Variants in ANGPT2 observed in about 807,000 individuals in gnomAD.
ANGPT2 encodes angiopoietin 2.
A neutral mutation model predicts 62.9 loss-of-function variants in ANGPT2; 28 were observed. That is an observed-to-expected ratio of 0.44 (90% CI 0.33 to 0.61). ANGPT2 has a LOEUF of 0.61. ANGPT2 is among the 20% of genes least tolerant of loss of function. The pLI, the probability that ANGPT2 is intolerant of heterozygous loss-of-function variation, is 0.03. For synonymous variants in ANGPT2, 284 were observed against 207.8 expected (o/e 1.37, Z -3.15); for missense variants, 727 against 594.9 (o/e 1.22, Z -2.31).
Position 6,513,782 on chromosome 8 carries a change from A to C in ANGPT2, c.1092T>G (p.Asn364Lys), listed in dbSNP as rs17063434. 6.2e-7 allele frequency: 1 copy of C among 1,613,970 alleles called. No individual in the cohort carries two copies. The highest frequency in any genetic ancestry group is 1.1e-5 in the South Asian group (1 of 91,018). Residue 364 changes from asparagine to lysine, a missense_variant, in exon 7 of 9, where the codon AAT becomes AAG. Asn to Lys is a moderately conservative substitution (Grantham distance 94, BLOSUM62 0). Transcript: ENST00000629816. The part of the protein sequence containing the change: ...LGNEFVSQLT[N>K]QQRYVLKIHL... ...GTATTTTAAGCACATAGCGTTGCTGATTAGTCAGTTGCGAAACAAACTCAT... is the reference window on the plus strand; with the variant it reads ...GTATTTTAAGCACATAGCGTTGCTGCTTAGTCAGTTGCGAAACAAACTCAT...
At chr8:6,508,683 T>C in intron 8 of ANGPT2, 1 of 601,440 alleles carries the variant, frequency 1.7e-6, no homozygotes, top group African/African-American at 1.9e-5. Flanking sequence ...ATATCCCCTC[T>C]CCTTGCCAGG....
chr8:6,547,884 C>A (rs994573993), intron 1 of ANGPT2, among the ~76,000 whole-genome samples: 1 of 148,664 alleles, frequency 6.7e-6, no homozygotes, highest in African/African-American at 2.5e-5. Context: ...ATCTTACCCC[C>A]ATTTTTTTTT....
chr8:6,545,823 C>T (rs1822480610), intron 1 of ANGPT2, among the ~76,000 whole-genome samples: 1 of 152,202 alleles, frequency 6.6e-6, no homozygotes, highest in Non-Finnish European at 1.5e-5. Context: ...GGAATAAATA[C>T]AAGATTACTC....
At chr8:6,506,543 C>T (rs1489955081) in intron 8 of ANGPT2, among the ~76,000 whole-genome samples, 1 of 152,162 alleles carries the variant, frequency 6.6e-6, no homozygotes, top group Non-Finnish European at 1.5e-5. Flanking sequence ...GAGCTGGGTC[C>T]AGCATGTGGG....
intron 3 of ANGPT2, among the ~76,000 whole-genome samples, chr8:6,526,425 A>G (rs1818351471): frequency 6.6e-6 from 1 of 151,790 alleles, no homozygotes; most frequent in Non-Finnish European, 1.5e-5. Flanking sequence ...CCAGAGTGAG[A>G]CCCTGTCTCA....
chr8:6,512,665 C>T (rs73199035), intron 7 of ANGPT2, among the ~76,000 whole-genome samples: 1 of 152,122 alleles, frequency 6.6e-6, no homozygotes, highest in Admixed American at 6.5e-5. Context: ...GTGCATGTGG[C>T]TTCACCGTAC....
At chr8:6,548,904 T>G (rs1281015643) in intron 1 of ANGPT2, among the ~76,000 whole-genome samples, 2 of 152,220 alleles carry the variant, frequency 1.3e-5, no homozygotes, top group African/African-American at 2.4e-5. Context: ...TTTAGCTGCC[T>G]GTTGTATTTC....
intron 1 of ANGPT2, among the ~76,000 whole-genome samples, chr8:6,550,180 G>A (rs967297624): frequency 4.6e-5 from 7 of 152,230 alleles, no homozygotes; most frequent in Non-Finnish European, 1.0e-4. Flanking sequence ...CCCTCGCCTG[G>A]CGTCGGCTCC....
intron 2 of ANGPT2, among the ~76,000 whole-genome samples, chr8:6,530,243 C>T (rs1213671879): frequency 1.3e-5 from 2 of 152,000 alleles, no homozygotes; most frequent in Non-Finnish European, 2.9e-5. Context: ...TACGGTGGCT[C>T]ACGCCTGTGA....
At chr8:6,540,088 C>G (rs1283962591) in intron 1 of ANGPT2, among the ~76,000 whole-genome samples, 1 of 152,172 alleles carries the variant, frequency 6.6e-6, no homozygotes, top group Non-Finnish European at 1.5e-5. Flanking sequence ...TAGGTACACC[C>G]TACAGTAATT....
rs933133881 is a variant in ANGPT2 at position 6,505,003 on chromosome 8, A to G, written c.1328-1742T>C. On this transcript the variant is annotated intron_variant, in intron 8 of 8. Coordinates refer to ENST00000629816, the MANE Select transcript of ANGPT2 (RefSeq NM_001118887.2). ...ACACATACAGTATGATACTCCTTAT[A>G]TTAATTTTTAAAATAGAGAAAATAA... Among the ~76,000 whole-genome samples the G allele has an allele frequency of 5.9e-5, 9 of 151,834 alleles. 1 individual carries two copies. The highest frequency in any genetic ancestry group is 1.9e-4 in the African/African-American group (8 of 41,324).
chr8:6,522,597 A>G, intron 3 of ANGPT2, among the ~76,000 whole-genome samples: 1 of 151,822 alleles, frequency 6.6e-6, no homozygotes, highest in Non-Finnish European at 1.5e-5. Flanking sequence ...AACATGGTGA[A>G]ACCCTCTCTC....
In ANGPT2 at chr8:6,521,366, A is replaced by G. The variant is rs1261426726; in HGVS notation, c.611T>C (p.Ile204Thr). The change falls in exon 4 of 9, where the codon ATC becomes ACC. Residue 204 changes from isoleucine to threonine, a missense_variant. Coordinates refer to ENST00000629816, the MANE Select transcript of ANGPT2 (RefSeq NM_001118887.2). ...KVLAMEDKHI[I>T]QLQSIKEEKD... ...CTCTTCTTTTATTGACTGTAGTTGG[A>G]TGATGTGCTTGTCTTCCATAGCTAG... 1.1e-5 allele frequency: 18 copies of G among 1,613,598 alleles called. No individual in the cohort carries two copies. Among genetic ancestry groups the G allele is most frequent in the Middle Eastern group, 1.7e-4 (1 of 6,058 alleles).
chr8:6,527,589 T>G lies in ANGPT2; in HGVS notation c.532A>C (p.Thr178Pro), dbSNP rs1818573801. 6.2e-7 allele frequency: 1 copy of G among 1,613,940 alleles called. No individual in the cohort carries two copies. The highest frequency in any genetic ancestry group is 1.3e-5 in the African/African-American group (1 of 74,938). ...TCTTGCAATTTGTTTATTTCACTGG[T>G]CTGGTCCAAAATCTGTTTTTCCAAT... ...NKLEKQILDQ[T>P]SEINKLQDKN... The change falls in exon 3 of 9, where the codon ACC becomes CCC. Residue 178 changes from threonine to proline, a missense_variant. Transcript: ENST00000629816.
intron 2 of ANGPT2, among the ~76,000 whole-genome samples, chr8:6,529,438 A>T (rs2129571182): frequency 6.6e-6 from 1 of 150,508 alleles, no homozygotes; most frequent in East Asian, 1.9e-4. Context: ...GCCTTCCTTA[A>T]GCTCAGCCAT....
In ANGPT2 at chr8:6,500,265, G is replaced by GAACT; in HGVS notation, c.*2832_*2835dup. 3.2e-6 allele frequency: 1 copy of GAACT among 315,752 alleles called. No individual in the cohort carries two copies. Among genetic ancestry groups the GAACT allele is most frequent in the Non-Finnish European group, 6.1e-6 (1 of 163,412 alleles). The allele number at this position is 315,752 out of a possible 1,614,324, so 19.6% of individuals were successfully genotyped here. On this transcript the variant is annotated 3_prime_UTR_variant, in exon 9 of 9. Transcript: ENST00000629816. ...AATGTTTTTACTGTTAATAGAAATA[G>GAACT]AACTGATAGGTATAAAGATTATGGC...
chr8:6,505,090 A>T (rs904565528), intron 8 of ANGPT2, among the ~76,000 whole-genome samples: 1 of 120,310 alleles, frequency 8.3e-6, no homozygotes, highest in Non-Finnish European at 1.9e-5. Context: ...CCTCGACCCA[A>T]GCGTCAGGTA....
intron 1 of ANGPT2, among the ~76,000 whole-genome samples, chr8:6,535,807 G>A (rs1820378325): frequency 6.6e-6 from 1 of 152,064 alleles, no homozygotes; most frequent in Admixed American, 6.5e-5. Context: ...CAGCACTTTG[G>A]GAGGCCGAGG....
chr8:6,501,366 C>G lies in ANGPT2; in HGVS notation c.*1735G>C, dbSNP rs1400493340. The G allele has an allele frequency of 1.3e-5, 2 of 152,106 alleles. No homozygotes were observed. The highest frequency in any genetic ancestry group is 2.4e-5 in the African/African-American group (1 of 41,406). 9.4% of individuals were successfully genotyped at this position (152,106 alleles called of 1,614,324 possible). On this transcript the variant is annotated 3_prime_UTR_variant, in exon 9 of 9. Coordinates refer to ENST00000629816, the MANE Select transcript of ANGPT2 (RefSeq NM_001118887.2). ...TAGTAGATGCTAGTTACAGACTGGA[C>G]TCTGAACTTCCTTGCAAATGATTCA...
Sources: allele counts gnomAD v4.1 joint callset (sites outside exome capture counted in the v4.1 genomes callset), GRCh38; gene constraint gnomAD v4.1.1; transcripts MANE v1.5; gene names NCBI Gene and HGNC (gene_info 2026-07-23, HGNC 2026-07-21).